The following SDHA variants were observed in gnomAD, a reference collection of about 807,000 sequenced individuals.
SDHA encodes succinate dehydrogenase complex flavoprotein subunit A, also known as succinate dehydrogenase [ubiquinone] flavoprotein subunit, mitochondrial.
A neutral mutation model predicts 78.4 loss-of-function variants in SDHA; 48 were observed. The ratio of observed to expected loss-of-function variants is 0.61; its 90% CI spans 0.49 to 0.78. The LOEUF is 0.78. Among genes scored for constraint, SDHA ranks in the 30% least tolerant of loss-of-function variants. The pLI is 0.00. For missense variants in SDHA, 680 were observed against 892.7 expected, an observed-to-expected ratio of 0.76 and a Z score of 3.04; for synonymous variants, 326 against 353.9, an observed-to-expected ratio of 0.92 and a Z score of 0.88.
rs767452676 is a variant in SDHA, at chr5:236,549, T to C, written c.1382T>C (p.Val461Ala). 6.2e-6 allele frequency: 10 copies of C among 1,614,052 alleles called. No homozygotes were observed. The highest frequency in any genetic ancestry group is 8.5e-6 in the Non-Finnish European group (10 of 1,179,876). Residue 461 changes from valine to alanine, a missense_variant, in exon 10 of 15, where the codon GTT becomes GCT. Coordinates refer to ENST00000264932, the MANE Select transcript of SDHA (RefSeq NM_004168.4). ...GGGGCAAACTCGCTCTTGGACCTGGTTGTCTTTGGTCGGGCATGTGCCCTG... is the reference window on the plus strand; with the variant it reads ...GGGGCAAACTCGCTCTTGGACCTGGCTGTCTTTGGTCGGGCATGTGCCCTG... ...RLGANSLLDL[V>A]VFGRACALSI...
chr5:218,524 G>T, intron 1 of SDHA, 106 bp downstream of exon 1: 1 of 876,086 alleles, frequency 1.1e-6, no homozygotes, highest in Non-Finnish European at 1.6e-6. Flanking sequence ...GGGTCCCTGC[G>T]CCCTCTGTCC....
In SDHA at chr5:251,487, C is replaced by A. The variant is rs776409305; in HGVS notation, c.1794+19C>A. On this transcript the variant is annotated intron_variant, in intron 13 of 14. Coordinates refer to ENST00000264932, the MANE Select transcript of SDHA (RefSeq NM_004168.4). ...CTACAAGGTGGGCCTTCTCACCACG[C>A]CCACCTGCACCTGCCTTTTCCTGCC... 1.2e-6 allele frequency: 2 copies of A among 1,613,694 alleles called. No individual in the cohort carries two copies. The highest frequency in any genetic ancestry group is 1.1e-5 in the South Asian group (1 of 91,044).
chr5:220,371 C>T (rs1362129149), intron 1 of SDHA: 2 of 429,880 alleles, frequency 4.7e-6, no homozygotes, highest in African/African-American at 2.1e-5. Context: ...CATGAACATC[C>T]AATATATTGT....
At chr5:218,976 C>T (rs936389205) in intron 1 of SDHA, among the ~76,000 whole-genome samples, 7 of 152,226 alleles carry the variant, frequency 4.6e-5, no homozygotes, top group Admixed American at 1.3e-4. Context: ...GCGTGGCGCG[C>T]CCGAGCTTAG....
downstream of SDHA, among the ~76,000 whole-genome samples, chr5:260,851 G>A (rs1737456934): frequency 8.2e-5 from 1 of 12,262 alleles, no homozygotes; most frequent in Admixed American, 5.5e-4. Context: ...TCCCGCCAGA[G>A]CATTACCGTG....
At chr5:226,102 G>T in intron 5 of SDHA, 55 bp downstream of exon 5, 4 of 1,597,670 alleles carry the variant, frequency 2.5e-6, no homozygotes, top group Non-Finnish European at 3.4e-6. Flanking sequence ...GGCTTATGGT[G>T]ACAGTGGGGA....
At chr5:225,811 A>T in intron 4 of SDHA, 72 bp from the exon 5 acceptor site, 1 of 1,571,868 alleles carries the variant, frequency 6.4e-7, no homozygotes, top group Non-Finnish European at 8.7e-7. Flanking sequence ...AAACTTGTTT[A>T]GTGTAGATTA....
At chr5:263,358 G>A in the SDHA span, among the ~76,000 whole-genome samples, 1 of 152,192 alleles carries the variant, frequency 6.6e-6, no homozygotes, top group Non-Finnish European at 1.5e-5. Context: ...TTGTGCTCAT[G>A]TGATGGGGGC....
chr5:220,220 G>A lies in SDHA; in HGVS notation c.63+1802G>A, dbSNP rs570858928. 6.8e-4 allele frequency: 275 copies of A among 406,024 alleles called. 3 individuals carry two copies. The highest frequency in any genetic ancestry group is 4.2e-3 in the South Asian group (245 of 58,770). The allele number at this position is 406,024 out of a possible 1,614,324, so 25.2% of individuals were successfully genotyped here. On this transcript the variant is annotated intron_variant, in intron 1 of 14. Transcript: ENST00000264932. ...AACTTATCAGACTTATTTTGCTTTT[G>A]GTTTCTTTTTATGGCCCAGTGCACT... is the stretch of plus-strand genomic sequence containing the variant.
the SDHA span, among the ~76,000 whole-genome samples, chr5:262,896 A>G: frequency 3.3e-5 from 5 of 152,138 alleles, no homozygotes; most frequent in South Asian, 6.2e-4. Context: ...CTTAAAGTGT[A>G]TTTTTGGTAA....
intron 11 of SDHA, among the ~76,000 whole-genome samples, chr5:248,729 A>G (rs1358771412): frequency 6.6e-6 from 1 of 152,168 alleles, no homozygotes; most frequent in Non-Finnish European, 1.5e-5. Flanking sequence ...AACGATTCCT[A>G]TGGAATCATT....
chr5:265,141 G>T, the SDHA span, among the ~76,000 whole-genome samples: 2 of 152,134 alleles, frequency 1.3e-5, no homozygotes, highest in Non-Finnish European at 2.9e-5. Context: ...AGGAGGCGGA[G>T]GTTGCAGTGA....
chr5:259,431 G>A (rs1431022399), downstream of SDHA, among the ~76,000 whole-genome samples: 2 of 54,644 alleles, frequency 3.7e-5, no homozygotes, highest in Non-Finnish European at 3.3e-5. Flanking sequence ...TGTGAGCTCC[G>A]CCTCCCGACA....
At chr5:257,686 C>T (rs36079110), downstream of SDHA, among the ~76,000 whole-genome samples, 11 of 116,714 alleles carry the variant, frequency 9.4e-5, 1 homozygote, top group African/African-American at 5.3e-4. Context: ...CCTGCCAGAG[C>T]ATTACTGTGA....
chr5:261,581 G>A (rs1254702551), downstream of SDHA, among the ~76,000 whole-genome samples: 2 of 37,488 alleles, frequency 5.3e-5, no homozygotes, highest in African/African-American at 1.7e-4. Flanking sequence ...TCCGCCTCCC[G>A]CCAGAGCATT....
the SDHA span, among the ~76,000 whole-genome samples, chr5:264,453 G>T: frequency 3.5e-4 from 53 of 152,344 alleles, no homozygotes; most frequent in African/African-American, 1.2e-3. Context: ...AGCTGGGCCC[G>T]TGCTCATTGT....
chr5:225,566 A>T lies in SDHA; in HGVS notation c.456+4A>T. On this transcript the variant is annotated splice_donor_region_variant and intron_variant, in intron 4 of 14. Transcript: ENST00000264932. ...GGCCCCCGCCGCCGTGGTCGAGGTG[A>T]TGGGCGGGAGGCTCTGGGTGTTCTC... is the stretch of plus-strand genomic sequence containing the variant. The T allele has an allele frequency of 3.1e-6, 5 of 1,613,804 alleles. No individual in the cohort carries two copies. The highest frequency in any genetic ancestry group is 4.2e-6 in the Non-Finnish European group (5 of 1,179,782).
chr5:228,431 C>A, intron 6 of SDHA, 98 bp downstream of exon 6: 1 of 1,300,738 alleles, frequency 7.7e-7, no homozygotes, highest in Non-Finnish European at 1.1e-6. Context: ...TGTAGAATAA[C>A]GGTTTAGACA....
At chr5:239,499 G>C (rs1736005108) in intron 10 of SDHA, among the ~76,000 whole-genome samples, 1 of 151,738 alleles carries the variant, frequency 6.6e-6, no homozygotes, top group African/African-American at 2.4e-5. Flanking sequence ...GGAGGTTGCA[G>C]TGAGCCGAGA....
Sources: gnomAD v4.1 joint callset for allele counts (sites outside exome capture counted in the v4.1 genomes callset) on GRCh38, gnomAD v4.1.1 for gene constraint, MANE v1.5 for transcripts, NCBI Gene and HGNC (gene_info 2026-07-23, HGNC 2026-07-21) for gene names.